NALF1: variants seen among roughly 807,000 people sequenced by gnomAD.
NALF1 encodes the protein NALCN channel auxiliary factor 1, also known as family with sequence similarity 155 member A.
In NALF1, 3 loss-of-function variants were observed where a neutral mutation model predicts 48.4. That is an observed-to-expected ratio of 0.06 (90% CI 0.03 to 0.16). The LOEUF (loss-of-function observed/expected upper bound fraction) is 0.16. NALF1 is among the 10% of genes least tolerant of loss of function. NALF1 has a pLI of 1.00. For missense variants in NALF1, 526 were observed against 571.5 expected (o/e 0.92, Z 0.81); for synonymous variants, 262 against 245.7 (o/e 1.07, Z -0.62).
chr13:107,256,288 G>A (rs577939173), intron 1 of NALF1, among the ~76,000 whole-genome samples: 5 of 152,270 alleles, frequency 3.3e-5, no homozygotes, highest in East Asian at 1.9e-4. Context: ...ATAACAGCAC[G>A]CTGCTGTGCC....
intron 1 of NALF1, among the ~76,000 whole-genome samples, chr13:107,845,894 A>T (rs1193793186): frequency 6.6e-6 from 1 of 152,134 alleles, no homozygotes; most frequent in African/African-American, 2.4e-5. Flanking sequence ...ACAGCTTGAA[A>T]CCTGGAAGAT....
intron 1 of NALF1, among the ~76,000 whole-genome samples, chr13:107,497,676 A>G (rs1875384799): frequency 6.6e-6 from 1 of 152,250 alleles, no homozygotes; most frequent in South Asian, 2.1e-4. Context: ...CACTTTGGAT[A>G]CAGCTATCTT....
intron 2 of NALF1, among the ~76,000 whole-genome samples, chr13:107,201,764 C>CA (rs1255828758): frequency 1.3e-5 from 2 of 152,026 alleles, no homozygotes; most frequent in Non-Finnish European, 2.9e-5. Context: ...CACTTACACA[C>CA]AAAAAAAGAC....
intron 1 of NALF1, among the ~76,000 whole-genome samples, chr13:107,407,527 T>C (rs1235522063): frequency 6.6e-6 from 1 of 152,076 alleles, no homozygotes; most frequent in Admixed American, 6.6e-5. Context: ...TCAATGATCA[T>C]CAGAGAAATG....
In NALF1 at chr13:107,749,128, T is replaced by TTGTGTGTCTG. The variant is rs1491525841; in HGVS notation, c.915+116553_915+116554insCAGACACACA. ...ATGACTCAGACTATAATGTCTATAA[T>TTGTGTGTCTG]TGTGTGTGTGTGTGTGTGTGTGTGT... On this transcript the variant is annotated intron_variant, in intron 1 of 2. Coordinates refer to ENST00000375915, the MANE Select transcript of NALF1 (RefSeq NM_001080396.3). 2.7e-5 allele frequency among the ~76,000 whole-genome samples: 4 copies of TTGTGTGTCTG among 147,450 alleles called. No individual in the cohort carries two copies. The South Asian group carries it at 8.8e-4, about 32-fold the overall frequency.
At chr13:107,763,512 C>T (rs372477865) in intron 1 of NALF1, among the ~76,000 whole-genome samples, 1 of 148,488 alleles carries the variant, frequency 6.7e-6, no homozygotes, top group African/African-American at 2.5e-5. Flanking sequence ...CAGTTCACTG[C>T]AGATAAAAAT....
chr13:107,841,922 AAT>A (rs1258279507), intron 1 of NALF1, among the ~76,000 whole-genome samples: 3 of 152,058 alleles, frequency 2.0e-5, no homozygotes, highest in African/African-American at 7.2e-5. Context: ...TTATTTTAGA[AAT>A]AGACAATATG....
chr13:107,774,782 A>G (rs1169320185), intron 1 of NALF1, among the ~76,000 whole-genome samples: 2 of 152,138 alleles, frequency 1.3e-5, no homozygotes, highest in Non-Finnish European at 2.9e-5. Context: ...TAAATTAGCC[A>G]TGCTATGAAG....
intron 1 of NALF1, among the ~76,000 whole-genome samples, chr13:107,392,989 GGTATGGACA>G (rs1263324428): frequency 6.6e-6 from 1 of 151,962 alleles, no homozygotes; most frequent in East Asian, 1.9e-4. Flanking sequence ...TGGGGCATGG[GGTATGGACA>G]ATGCTAAGGA....
chr13:107,178,684 A>T (rs1449592167), intron 2 of NALF1, among the ~76,000 whole-genome samples: 2 of 152,052 alleles, frequency 1.3e-5, no homozygotes, highest in Non-Finnish European at 1.5e-5. Flanking sequence ...TGGCTCACGC[A>T]CCTAATCCCA....
At chr13:107,431,141 C>G (rs1354838097) in intron 1 of NALF1, among the ~76,000 whole-genome samples, 2 of 152,074 alleles carry the variant, frequency 1.3e-5, no homozygotes, top group East Asian at 3.9e-4. Flanking sequence ...ATTGAGCTTT[C>G]TATCAAACAC....
chr13:107,853,381 T>G (rs898929531), intron 1 of NALF1, among the ~76,000 whole-genome samples: 1 of 152,240 alleles, frequency 6.6e-6, no homozygotes, highest in Admixed American at 6.5e-5. Context: ...TTTAAATCTT[T>G]GCATATTTGT....
At chr13:107,750,855 C>T (rs1247448970) in intron 1 of NALF1, among the ~76,000 whole-genome samples, 1 of 152,144 alleles carries the variant, frequency 6.6e-6, no homozygotes, top group Non-Finnish European at 1.5e-5. Context: ...GTACACTAAC[C>T]TCCAACTGCC....
intron 1 of NALF1, among the ~76,000 whole-genome samples, chr13:107,281,129 C>T (rs756673742): frequency 5.8e-4 from 88 of 152,036 alleles, no homozygotes; most frequent in Non-Finnish European, 9.4e-4. Context: ...ATTGAGTGCT[C>T]GACACATGCA....
At chr13:107,194,038 ATC>A (rs1319788450) in intron 2 of NALF1, among the ~76,000 whole-genome samples, 27 of 147,986 alleles carry the variant, frequency 1.8e-4, no homozygotes, top group Middle Eastern at 3.4e-3. Flanking sequence ...CTATCTATCT[ATC>A]TATCTATCTA....
At chr13:107,714,639 A>C (rs990168079) in intron 1 of NALF1, among the ~76,000 whole-genome samples, 2 of 150,716 alleles carry the variant, frequency 1.3e-5, no homozygotes, top group Non-Finnish European at 3.0e-5. Context: ...AAAAAAAAAA[A>C]GAAAGATAAA....
intron 1 of NALF1, among the ~76,000 whole-genome samples, chr13:107,685,934 T>G (rs977690972): frequency 1.1e-4 from 16 of 152,308 alleles, no homozygotes; most frequent in African/African-American, 3.6e-4. Context: ...AGACTTACTT[T>G]CTAGATAGGA....
Position 107,210,882 on chromosome 13 carries a change from A to G in NALF1, c.916-127T>C, listed in dbSNP as rs1336317505. ...CCTAAGAGAGCCCTCATTGTGAGAA[A>G]GCGTATTTACACAACGACAGCTGCA... On this transcript the variant is annotated intron_variant, in intron 1 of 2. Coordinates refer to ENST00000375915, the MANE Select transcript of NALF1 (RefSeq NM_001080396.3). The G allele has an allele frequency of 7.9e-6, 5 of 633,918 alleles. No homozygotes were observed. In the African/African-American group the frequency reaches 9.2e-5, roughly 12 times the overall value. The allele number at this position is 633,918 out of a possible 1,614,324, so 39.3% of individuals were successfully genotyped here. A position where few individuals can be genotyped will look rare whatever the true frequency, so the allele number is the denominator to read the frequency against.
At chr13:107,790,639 A>G (rs1194474553) in intron 1 of NALF1, among the ~76,000 whole-genome samples, 1 of 152,198 alleles carries the variant, frequency 6.6e-6, no homozygotes, top group African/African-American at 2.4e-5. Context: ...ATAGTTATTA[A>G]AATAGCATAG....
Sources: gnomAD v4.1 joint callset for allele counts (sites outside exome capture counted in the v4.1 genomes callset) on GRCh38, gnomAD v4.1.1 for gene constraint, MANE v1.5 for transcripts, NCBI Gene and HGNC (gene_info 2026-07-23, HGNC 2026-07-21) for gene names.